Variants in FOCAD observed in about 807,000 individuals in gnomAD.
The protein encoded by FOCAD is focadhesin.
In FOCAD, 198 loss-of-function variants were observed where a neutral mutation model predicts 225.6. That is an observed-to-expected ratio of 0.88 (90% confidence interval 0.78 to 0.99). FOCAD has a LOEUF of 0.99. Ranked by LOEUF, FOCAD falls within the 50% of genes least tolerant of loss-of-function variation. FOCAD has a pLI of 0.00. For missense variants in FOCAD, 2,713 were observed against 2,123.6 expected, an observed-to-expected ratio of 1.28 and a Z score of -5.46; for synonymous variants, 897 against 755.0, an observed-to-expected ratio of 1.19 and a Z score of -3.08.
chr9:20,910,945 C>T (rs550105189), intron 22 of FOCAD, among the ~76,000 whole-genome samples: 23 of 152,120 alleles, frequency 1.5e-4, no homozygotes, highest in African/African-American at 3.1e-4. Flanking sequence ...AAGATTAAAA[C>T]GGTAGGCCTT....
At chr9:20,740,860 G>A (rs956626151) in intron 5 of FOCAD, among the ~76,000 whole-genome samples, 1 of 152,158 alleles carries the variant, frequency 6.6e-6, no homozygotes, top group Non-Finnish European at 1.5e-5. Flanking sequence ...ACACACAGTA[G>A]CAATAATACT....
chr9:20,687,873 CTG>C (rs759962098), intron 1 of FOCAD, among the ~76,000 whole-genome samples: 5 of 152,054 alleles, frequency 3.3e-5, no homozygotes, highest in African/African-American at 9.7e-5. Context: ...ATAGAGAAAA[CTG>C]TGTGCAAGGT....
intron 18 of FOCAD, among the ~76,000 whole-genome samples, chr9:20,869,522 G>T (rs1188660306): frequency 2.0e-5 from 3 of 152,112 alleles, no homozygotes; most frequent in Non-Finnish European, 4.4e-5. Flanking sequence ...AAAAGAGTAA[G>T]AGGATTGGCA....
intron 24 of FOCAD, among the ~76,000 whole-genome samples, chr9:20,918,494 C>T (rs909119048): frequency 3.3e-5 from 5 of 152,154 alleles, no homozygotes; most frequent in African/African-American, 4.8e-5. Context: ...GAGGCTGAGG[C>T]GGGCGGATCA....
chr9:20,942,346 T>C (rs1836752382), intron 28 of FOCAD, among the ~76,000 whole-genome samples: 1 of 152,232 alleles, frequency 6.6e-6, no homozygotes, highest in African/African-American at 2.4e-5. Context: ...GATATTTATG[T>C]GCCCAGGATA....
At chr9:20,940,842 T>G (rs1269668166) in intron 28 of FOCAD, among the ~76,000 whole-genome samples, 1 of 152,192 alleles carries the variant, frequency 6.6e-6, no homozygotes, top group Non-Finnish European at 1.5e-5. Flanking sequence ...AAAGCCATTT[T>G]TCTTTCTTAC....
intron 5 of FOCAD, among the ~76,000 whole-genome samples, chr9:20,753,369 A>G (rs559339842): frequency 2.0e-4 from 30 of 151,870 alleles, no homozygotes; most frequent in Non-Finnish European, 3.2e-4. Flanking sequence ...TTTAGCATGA[A>G]GGGTTGTTGA....
intron 11 of FOCAD, among the ~76,000 whole-genome samples, chr9:20,818,089 A>G (rs564903232): frequency 7.2e-5 from 11 of 152,146 alleles, no homozygotes; most frequent in Non-Finnish European, 1.3e-4. Context: ...CATCATGTGT[A>G]AGGTGGTATC....
intron 40 of FOCAD, among the ~76,000 whole-genome samples, chr9:20,987,459 G>A (rs999942417): frequency 2.6e-5 from 4 of 150,982 alleles, no homozygotes; most frequent in African/African-American, 9.8e-5. Context: ...AGTGAGCCAA[G>A]ATCCCACCAC....
chr9:20,709,412 C>T (rs1393481641), intron 1 of FOCAD, among the ~76,000 whole-genome samples: 1 of 150,604 alleles, frequency 6.6e-6, no homozygotes, highest in Non-Finnish European at 1.5e-5. Flanking sequence ...AATTGTTTTT[C>T]CTTAATGTAT....
intron 21 of FOCAD, among the ~76,000 whole-genome samples, chr9:20,892,805 T>C (rs765400724): frequency 3.9e-5 from 6 of 152,106 alleles, no homozygotes; most frequent in Non-Finnish European, 7.4e-5. Context: ...CAGCATTGCA[T>C]GATACAGAGA....
chr9:20,658,668 G>A (rs1044983076), intron 1 of FOCAD: 31 of 154,946 alleles, frequency 2.0e-4, no homozygotes, highest in Non-Finnish European at 3.7e-4. Context: ...ACTGACCTGC[G>A]CCCACTGTCT....
At chr9:20,780,947 A>G (rs1819298984) in intron 9 of FOCAD, among the ~76,000 whole-genome samples, 1 of 152,236 alleles carries the variant, frequency 6.6e-6, no homozygotes, top group Non-Finnish European at 1.5e-5. Context: ...ACTCATTGAC[A>G]TGATTCAAGG....
intron 35 of FOCAD, among the ~76,000 whole-genome samples, chr9:20,970,030 C>T (rs964527171): frequency 2.0e-5 from 3 of 147,630 alleles, no homozygotes; most frequent in Non-Finnish European, 3.0e-5. Context: ...TTATCCTGTT[C>T]CTTACTGGAC....
At chr9:20,929,955 A>G (rs1293147878) in intron 27 of FOCAD, among the ~76,000 whole-genome samples, 1 of 152,234 alleles carries the variant, frequency 6.6e-6, no homozygotes, top group Non-Finnish European at 1.5e-5. Context: ...GGATGAAAAT[A>G]ACTGCCAATC....
In FOCAD at chr9:20,844,172, T is replaced by C. The variant is rs1443075246; in HGVS notation, c.1921-18406T>C. Among the ~76,000 whole-genome samples the C allele has an allele frequency of 3.9e-5, 6 of 152,188 alleles. No individual in the cohort carries two copies. The South Asian group carries it at 1.0e-3, about 26-fold the overall frequency. On this transcript the variant is annotated intron_variant, in intron 15 of 43. Coordinates refer to ENST00000338382, the MANE Select transcript of FOCAD (RefSeq NM_001375567.1). ...TTCATAGCATTATTCATAATGGCCC[T>C]AAAGTAGAAACCACCCAGATGGCCA...
intron 15 of FOCAD, among the ~76,000 whole-genome samples, chr9:20,845,656 G>A (rs1371276441): frequency 3.3e-5 from 5 of 151,646 alleles, no homozygotes; most frequent in East Asian, 1.9e-4. Context: ...TGGGGCTGCC[G>A]GTCCAAGGAT....
intron 15 of FOCAD, among the ~76,000 whole-genome samples, chr9:20,836,304 C>T (rs2131534565): frequency 6.6e-6 from 1 of 152,212 alleles, no homozygotes; most frequent in African/African-American, 2.4e-5. Flanking sequence ...CAGCTGTGTA[C>T]AGTAAGGCTT....
chr9:20,657,105 C>A (rs1821510521), upstream of FOCAD, among the ~76,000 whole-genome samples: 1 of 152,052 alleles, frequency 6.6e-6, no homozygotes, highest in Non-Finnish European at 1.5e-5. Flanking sequence ...GAATATTGGC[C>A]CCCACTCTCT....
Sources: gnomAD v4.1 joint callset for allele counts (sites outside exome capture counted in the v4.1 genomes callset) on GRCh38, gnomAD v4.1.1 for gene constraint, MANE v1.5 for transcripts, NCBI Gene and HGNC (gene_info 2026-07-23, HGNC 2026-07-21) for gene names.